Variants in SEPTIN7 observed in about 807,000 individuals in gnomAD.
The protein encoded by SEPTIN7 is septin 7.
Under a neutral mutation model 63.3 loss-of-function variants are expected in SEPTIN7, and 10 were observed. The ratio of observed to expected loss-of-function variants is 0.16; its 90% CI spans 0.10 to 0.27. The LOEUF (loss-of-function observed/expected upper bound fraction) is 0.27, where lower values mean the gene tolerates loss of function less well. SEPTIN7 is among the 10% of genes least tolerant of loss of function. SEPTIN7 has a pLI of 1.00. For synonymous variants in SEPTIN7, 131 were observed against 165.3 expected, an observed-to-expected ratio of 0.79 and a Z score of 1.59; for missense variants, 310 against 521.0, an observed-to-expected ratio of 0.59 and a Z score of 3.94.
intron 3 of SEPTIN7, among the ~76,000 whole-genome samples, chr7:35,838,244 C>A (rs145654365): frequency 0.41 from 11,448 of 27,758 alleles, 1,175 homozygotes; most frequent in South Asian, 0.51. Context: ...AAACTTCCTT[C>A]CTTCCTTCCT....
intron 1 of SEPTIN7, among the ~76,000 whole-genome samples, chr7:35,808,789 A>C (rs1435476733): frequency 6.6e-6 from 1 of 152,222 alleles, no homozygotes; most frequent in Non-Finnish European, 1.5e-5. Context: ...AGACCATAGC[A>C]TATGGATAGA....
At chr7:35,851,696 A>G (rs749029213) in intron 3 of SEPTIN7, among the ~76,000 whole-genome samples, 5 of 152,164 alleles carry the variant, frequency 3.3e-5, no homozygotes, top group Non-Finnish European at 7.4e-5. Context: ...TAATGATACT[A>G]CTTCCTTCCC....
chr7:35,810,356 C>A (rs1788611861), intron 1 of SEPTIN7, among the ~76,000 whole-genome samples: 2 of 148,000 alleles, frequency 1.4e-5, no homozygotes, highest in South Asian at 4.2e-4. Context: ...TGGAGTCTTG[C>A]TCTGTCACCC....
chr7:35,904,407 T>A lies in SEPTIN7; in HGVS notation c.*114T>A. Reference sequence around the variant, plus strand: ...CCAGTTTTATCCATAATGATGGATTTAACAGCATGACAAAAATTATTTTTT... The same window carrying A: ...CCAGTTTTATCCATAATGATGGATTAAACAGCATGACAAAAATTATTTTTT... On this transcript the variant is annotated 3_prime_UTR_variant, in exon 14 of 14. Coordinates refer to ENST00000350320, the MANE Select transcript of SEPTIN7 (RefSeq NM_001788.6). 9 of 735,836 alleles carry A rather than the reference T, an allele frequency of 1.2e-5. No individual in the cohort carries two copies. The highest frequency in any genetic ancestry group is 2.8e-5 in the South Asian group (1 of 35,618). 45.6% of individuals were successfully genotyped at this position (735,836 alleles called of 1,614,324 possible). A position where few individuals can be genotyped will look rare whatever the true frequency, so the allele number is the denominator to read the frequency against.
At chr7:35,847,011 A>G (rs1182094834) in intron 3 of SEPTIN7, 5 of 156,838 alleles carry the variant, frequency 3.2e-5, no homozygotes, top group Admixed American at 6.5e-5. Context: ...TCCACTGACT[A>G]TTCCCATGCC....
intron 3 of SEPTIN7, among the ~76,000 whole-genome samples, chr7:35,837,612 T>C (rs1268140893): frequency 6.6e-6 from 1 of 152,242 alleles, no homozygotes; most frequent in Non-Finnish European, 1.5e-5. Context: ...GTGTACCATT[T>C]TGTATGCTCA....
At chr7:35,872,045 T>C (rs1163873497) in intron 4 of SEPTIN7, among the ~76,000 whole-genome samples, 5 of 152,174 alleles carry the variant, frequency 3.3e-5, no homozygotes, top group African/African-American at 2.4e-5. Flanking sequence ...AAATAAAAAC[T>C]GTCTGGACTT....
intron 3 of SEPTIN7, among the ~76,000 whole-genome samples, chr7:35,839,786 C>T (rs770091045): frequency 6.6e-6 from 1 of 152,154 alleles, no homozygotes; most frequent in Non-Finnish European, 1.5e-5. Context: ...AACTCCTGAC[C>T]TTGTGATCCA....
chr7:35,912,711 C>G, the SEPTIN7 span, among the ~76,000 whole-genome samples: 34 of 152,208 alleles, frequency 2.2e-4, no homozygotes, highest in Admixed American at 2.2e-3. Flanking sequence ...CAGGTACTAG[C>G]AATTGCAAAT....
At chr7:35,832,765 C>T in intron 2 of SEPTIN7, 33 bp from the exon 3 acceptor site, 1 of 1,146,352 alleles carries the variant, frequency 8.7e-7, no homozygotes, top group South Asian at 1.2e-5. Flanking sequence ...ACTGTTGATA[C>T]ATGAATAACT....
intron 9 of SEPTIN7, among the ~76,000 whole-genome samples, chr7:35,884,444 C>T (rs1227657324): frequency 6.6e-6 from 1 of 152,176 alleles, no homozygotes; most frequent in African/African-American, 2.4e-5. Context: ...AGATACTCAA[C>T]TTGCCCCACC....
At chr7:35,860,449 C>T (rs1345948320) in intron 3 of SEPTIN7, among the ~76,000 whole-genome samples, 1 of 151,970 alleles carries the variant, frequency 6.6e-6, no homozygotes, top group Non-Finnish European at 1.5e-5. Flanking sequence ...ATCTTTATAT[C>T]TTTATATTGC....
intron 11 of SEPTIN7, among the ~76,000 whole-genome samples, chr7:35,897,121 T>C (rs972221609): frequency 6.6e-6 from 1 of 152,154 alleles, no homozygotes; most frequent in Admixed American, 6.5e-5. Flanking sequence ...AGGTCTGGTT[T>C]TCGTTTTTAA....
chr7:35,913,360 C>T, the SEPTIN7 span, among the ~76,000 whole-genome samples: 2 of 152,210 alleles, frequency 1.3e-5, no homozygotes, highest in Admixed American at 6.5e-5. Context: ...GGCCGGCCCT[C>T]TTCCTGGGAC....
chr7:35,871,773 A>T (rs1194895546), intron 4 of SEPTIN7, among the ~76,000 whole-genome samples: 2 of 152,178 alleles, frequency 1.3e-5, no homozygotes, highest in African/African-American at 4.8e-5. Flanking sequence ...TCCTTATTAA[A>T]TGTGTTATCA....
intron 4 of SEPTIN7, among the ~76,000 whole-genome samples, chr7:35,871,509 C>A (rs1047409488): frequency 6.6e-6 from 1 of 152,198 alleles, no homozygotes; most frequent in Non-Finnish European, 1.5e-5. Flanking sequence ...ATAGTTGATA[C>A]CCTAGGATTT....
chr7:35,801,445 G>C (rs1161137724), intron 1 of SEPTIN7, among the ~76,000 whole-genome samples, 175 bp downstream of exon 1: 1 of 151,918 alleles, frequency 6.6e-6, no homozygotes, highest in African/African-American at 2.4e-5. Context: ...GGCTCGGGGG[G>C]AGGGGAGGCG....
intron 4 of SEPTIN7, among the ~76,000 whole-genome samples, chr7:35,872,056 T>C (rs921728285): frequency 3.3e-5 from 5 of 152,186 alleles, no homozygotes; most frequent in African/African-American, 9.6e-5. Flanking sequence ...GTCTGGACTT[T>C]TGCTGATTAC....
chr7:35,873,450 A>C (rs1786282041), intron 5 of SEPTIN7, among the ~76,000 whole-genome samples, 191 bp from the exon 6 acceptor site: 1 of 152,048 alleles, frequency 6.6e-6, no homozygotes, highest in Non-Finnish European at 1.5e-5. Context: ...ATTTTCTTTC[A>C]TTTGGAAAGT....
Sources: allele counts gnomAD v4.1 joint callset (sites outside exome capture counted in the v4.1 genomes callset), GRCh38; gene constraint gnomAD v4.1.1; transcripts MANE v1.5; gene names NCBI Gene and HGNC (gene_info 2026-07-23, HGNC 2026-07-21).